Variants in EIF4EBP1 observed in about 807,000 individuals in gnomAD.
EIF4EBP1 encodes eukaryotic translation initiation factor 4E-binding protein 1.
Under a neutral mutation model 9.2 loss-of-function variants are expected in EIF4EBP1, and 5 were observed. The observed-to-expected ratio is 0.54, with a 90% CI of 0.28 to 1.14. The LOEUF (loss-of-function observed/expected upper bound fraction) is 1.14. EIF4EBP1 is among the 50% of genes most tolerant of loss of function. The probability of loss-of-function intolerance (pLI) is 0.09; values close to 1 mark genes in which losing one functional copy is unlikely to be tolerated. For synonymous variants in EIF4EBP1, 62 were observed against 67.0 expected, an observed-to-expected ratio of 0.93 and a Z score of 0.36; for missense variants, 139 against 169.6, an observed-to-expected ratio of 0.82 and a Z score of 1.00.
chr8:38,059,283 G>A (rs115271503), intron 2 of EIF4EBP1, among the ~76,000 whole-genome samples: 2,075 of 152,230 alleles, frequency 0.014, 51 homozygotes, highest in African/African-American at 0.048. Flanking sequence ...AGATCTGGTT[G>A]TTGTAAAGTG....
chr8:38,037,930 C>T (rs376585424), intron 1 of EIF4EBP1, among the ~76,000 whole-genome samples: 32 of 152,022 alleles, frequency 2.1e-4, no homozygotes, highest in African/African-American at 6.7e-4. Flanking sequence ...CACACCACCA[C>T]GCCTGGCTAA....
At chr8:38,053,794 C>T (rs776522390) in intron 1 of EIF4EBP1, among the ~76,000 whole-genome samples, 17 of 152,088 alleles carry the variant, frequency 1.1e-4, no homozygotes, top group African/African-American at 3.1e-4. Context: ...TGAAATAAGC[C>T]GGTCATGAAA....
intron 1 of EIF4EBP1, among the ~76,000 whole-genome samples, chr8:38,041,478 G>A (rs544315411): frequency 2.6e-5 from 4 of 152,232 alleles, no homozygotes; most frequent in African/African-American, 4.8e-5. Context: ...CCACATTTTC[G>A]AATAATCCTC....
intron 2 of EIF4EBP1, among the ~76,000 whole-genome samples, chr8:38,059,228 C>G (rs1448759991): frequency 2.6e-5 from 4 of 152,190 alleles, no homozygotes. Flanking sequence ...GGACAGATCC[C>G]TCACAGCTTG....
intron 2 of EIF4EBP1, among the ~76,000 whole-genome samples, chr8:38,057,551 A>G (rs1300113573): frequency 6.6e-6 from 1 of 152,234 alleles, no homozygotes; most frequent in Non-Finnish European, 1.5e-5. Flanking sequence ...GGCTGCACAC[A>G]GCAACTTTCG....
At chr8:38,051,536 C>T (rs182285476) in intron 1 of EIF4EBP1, among the ~76,000 whole-genome samples, 43 of 152,176 alleles carry the variant, frequency 2.8e-4, no homozygotes, top group African/African-American at 9.9e-4. Flanking sequence ...CAGAGGGGTC[C>T]AAGACAGGCC....
intron 1 of EIF4EBP1, among the ~76,000 whole-genome samples, chr8:38,037,299 A>C (rs1319678176): frequency 6.6e-6 from 1 of 151,832 alleles, no homozygotes; most frequent in Admixed American, 6.6e-5. Context: ...CCTCAGGATA[A>C]CCTAGTTTTC....
At chr8:38,041,562 C>G (rs1809379919) in intron 1 of EIF4EBP1, among the ~76,000 whole-genome samples, 1 of 152,204 alleles carries the variant, frequency 6.6e-6, no homozygotes, top group South Asian at 2.1e-4. Flanking sequence ...CCAGCAGAGC[C>G]AGGACCAGGT....
Position 38,057,269 on chromosome 8 carries a change from CGGGGCTTG to C in EIF4EBP1, c.325+11_325+18del. Reference sequence around the variant, plus strand: ...AGATAAGCGGGCGGGCGGTGAGTGTCGGGGCTTGGCCAGGCTCTACCTTGGGAAAGGGA... The same window carrying C: ...AGATAAGCGGGCGGGCGGTGAGTGTCGCCAGGCTCTACCTTGGGAAAGGGA... On this transcript the variant is annotated intron_variant, in intron 2 of 2. Coordinates refer to ENST00000338825, the MANE Select transcript of EIF4EBP1 (RefSeq NM_004095.4). 6.8e-7 allele frequency: 1 copy of C among 1,472,496 alleles called. No homozygotes were observed. The highest frequency in any genetic ancestry group is 9.0e-7 in the Non-Finnish European group (1 of 1,106,990). The allele number at this position is 1,472,496 out of a possible 1,614,324, so 91.2% of individuals were successfully genotyped here. A position where few individuals can be genotyped will look rare whatever the true frequency, so the allele number is the denominator to read the frequency against.
intron 1 of EIF4EBP1, among the ~76,000 whole-genome samples, chr8:38,034,990 C>T (rs914808547): frequency 1.2e-4 from 18 of 152,250 alleles, no homozygotes; most frequent in African/African-American, 4.1e-4. Context: ...TGCGGTGGCT[C>T]ACTCCTGTAA....
At chr8:38,032,983 G>A (rs1246896371) in intron 1 of EIF4EBP1, among the ~76,000 whole-genome samples, 1 of 151,966 alleles carries the variant, frequency 6.6e-6, no homozygotes, top group Non-Finnish European at 1.5e-5. Flanking sequence ...GGATAACTGG[G>A]GGCTTCATTT....
intron 1 of EIF4EBP1, among the ~76,000 whole-genome samples, chr8:38,031,835 C>T (rs1453989170): frequency 6.6e-6 from 1 of 152,244 alleles, no homozygotes; most frequent in Non-Finnish European, 1.5e-5. Flanking sequence ...GGCCCCAGAG[C>T]TTGAACACGT....
chr8:38,054,780 G>T (rs546387991), intron 1 of EIF4EBP1, among the ~76,000 whole-genome samples: 2 of 152,232 alleles, frequency 1.3e-5, no homozygotes, highest in South Asian at 2.1e-4. Context: ...TGTCACCCCA[G>T]CCCTGCAAAG....
Position 38,059,995 on chromosome 8 carries a change from T to A in EIF4EBP1, c.*60T>A. 6.5e-7 allele frequency: 1 copy of A among 1,527,400 alleles called. No homozygotes were observed. 94.6% of individuals were successfully genotyped at this position (1,527,400 alleles called of 1,614,324 possible). On this transcript the variant is annotated 3_prime_UTR_variant, in exon 3 of 3. Coordinates refer to ENST00000338825, the MANE Select transcript of EIF4EBP1 (RefSeq NM_004095.4). ...CCCCTCAGGGCCTTCCTGGGAGGAGTCCCACCAGCCAGGCCTTATGAAAGT... is the reference window on the plus strand; with the variant it reads ...CCCCTCAGGGCCTTCCTGGGAGGAGACCCACCAGCCAGGCCTTATGAAAGT...
chr8:38,043,713 G>T (rs1050282498), intron 1 of EIF4EBP1, among the ~76,000 whole-genome samples: 1 of 152,070 alleles, frequency 6.6e-6, no homozygotes, highest in African/African-American at 2.4e-5. Flanking sequence ...AGAGGCTGCC[G>T]ATCGTCCCCA....
At chr8:38,047,137 C>T (rs1196087485) in intron 1 of EIF4EBP1, among the ~76,000 whole-genome samples, 1 of 152,188 alleles carries the variant, frequency 6.6e-6, no homozygotes, top group Non-Finnish European at 1.5e-5. Flanking sequence ...GACTTGGGAT[C>T]TGTGTCCCTT....
intron 1 of EIF4EBP1, among the ~76,000 whole-genome samples, chr8:38,055,206 G>A (rs746015720): frequency 2.6e-5 from 4 of 152,092 alleles, no homozygotes; most frequent in East Asian, 3.8e-4. Flanking sequence ...ACAGAGCCCC[G>A]TTTCAGGAAC....
rs776758486 is a variant in EIF4EBP1 at position 38,057,082 on chromosome 8, T to C, written c.147T>C (p.Gly49=). The change falls in exon 2 of 3, where the codon GGT becomes GGC. Residue 49 remains glycine (G), a splice_region_variant and synonymous_variant. Transcript: ENST00000338825. ...ACCAACCTCCCTGTTCCCTTCTAGG[T>C]ACCAGGATCATCTATGACCGGAAAT... ...GGTLFSTTPG[G]TRIIYDRKFL... The C allele has an allele frequency of 6.2e-6, 10 of 1,614,048 alleles. No individual in the cohort carries two copies. In the South Asian group the frequency reaches 9.9e-5, roughly 16 times the overall value.
intron 1 of EIF4EBP1, among the ~76,000 whole-genome samples, chr8:38,036,896 C>T (rs988785826): frequency 1.3e-5 from 2 of 151,776 alleles, no homozygotes; most frequent in East Asian, 3.9e-4. Context: ...GTAATCCACC[C>T]GCCTTGACCT....
Sources: allele counts gnomAD v4.1 joint callset (sites outside exome capture counted in the v4.1 genomes callset), GRCh38; gene constraint gnomAD v4.1.1; transcripts MANE v1.5; gene names NCBI Gene and HGNC (gene_info 2026-07-23, HGNC 2026-07-21).